Variants in ARID1A observed in about 807,000 individuals in gnomAD.
ARID1A encodes AT-rich interactive domain-containing protein 1A.
Under a neutral mutation model 212.6 loss-of-function variants are expected in ARID1A, and 20 were observed. That is an observed-to-expected ratio of 0.09 (90% CI 0.07 to 0.14). The LOEUF is 0.14. ARID1A is among the 10% of genes least tolerant of loss of function. The probability of loss-of-function intolerance (pLI) is 1.00; values close to 1 mark genes in which losing one functional copy is unlikely to be tolerated. For synonymous variants in ARID1A, 1,376 were observed against 1,222.1 expected (o/e 1.13, Z -2.63); for missense variants, 2,587 against 3,059.0 (o/e 0.85, Z 3.64).
At position 26,772,817 on chromosome 1, in the gene ARID1A, G is replaced by A. The variant is rs2124106507; in HGVS notation, c.3545G>A (p.Ser1182Asn). 1 of 1,613,728 alleles carries A rather than the reference G, an allele frequency of 6.2e-7. No homozygotes were observed. Among genetic ancestry groups the A allele is most frequent in the African/African-American group, 1.3e-5 (1 of 75,030 alleles). Residue 1182 changes from serine (S) to asparagine (N), a missense_variant, in exon 14 of 20, where the codon AGC becomes AAC. Ser to Asn is a conservative substitution (Grantham distance 46). This residue lies in a region of ARID1A where 890 missense variants were observed against 1,098.2 expected (regional missense o/e 0.81). Transcript: ENST00000324856. ...QIPPLPGMSRSNSVGIQDAFN... is the reference protein window; with the variant it reads ...QIPPLPGMSRNNSVGIQDAFN... Reference sequence around the variant, plus strand: ...TGGTTTTCCTCACTCTGGAGCAGGAGCAATTCAGTTGGGATCCAGGATGCC... The same window carrying A: ...TGGTTTTCCTCACTCTGGAGCAGGAACAATTCAGTTGGGATCCAGGATGCC...
intron 4 of ARID1A, among the ~76,000 whole-genome samples, chr1:26,750,124 C>T (rs1305041899): frequency 2.0e-5 from 3 of 152,196 alleles, no homozygotes; most frequent in African/African-American, 7.2e-5. Context: ...TCCTGTAACA[C>T]TGCTTCTAGA....
At chr1:26,760,164 A>G (rs2080977463) in intron 4 of ARID1A, among the ~76,000 whole-genome samples, 1 of 152,222 alleles carries the variant, frequency 6.6e-6, no homozygotes, top group African/African-American at 2.4e-5. Context: ...TTGCTTTCTT[A>G]TGACTGTAGA....
At chr1:26,698,459 G>A (rs1292568856) in intron 1 of ARID1A, among the ~76,000 whole-genome samples, 1 of 152,208 alleles carries the variant, frequency 6.6e-6, no homozygotes, top group Non-Finnish European at 1.5e-5. Flanking sequence ...ACCTTGAGGA[G>A]GGAGGTTTAA....
rs1219607366 is a variant in ARID1A at position 26,707,110 on chromosome 1, T to A, written c.1137+9570T>A. 3.3e-5 allele frequency among the ~76,000 whole-genome samples: 5 copies of A among 151,816 alleles called. No individual in the cohort carries two copies. The East Asian group carries it at 9.7e-4, about 29-fold the overall frequency. ...GTGCAGTGGGGCAATTTCAGCTCAC[T>A]GCAGTCTCCGCCTCCTGGGTTCAAG... On this transcript the variant is annotated intron_variant, in intron 1 of 19. Transcript: ENST00000324856.
At chr1:26,706,075 G>A (rs960793511) in intron 1 of ARID1A, among the ~76,000 whole-genome samples, 4 of 152,150 alleles carry the variant, frequency 2.6e-5, no homozygotes, top group African/African-American at 9.7e-5. Flanking sequence ...GGGGCTTTGG[G>A]TACTGAGCTA....
In ARID1A at chr1:26,772,512, C is replaced by T. The variant is rs753878674; in HGVS notation, c.3419C>T (p.Ser1140Phe). Reference protein sequence around the residue: ...IQPPSPAGSGSMQGPQTPQST... With the variant: ...IQPPSPAGSGFMQGPQTPQST... ...TCTCTGTCCACAGCGGGATCAGGAT[C>T]TATGCAGGGGCCCCAGACTCCCCAG... is the stretch of plus-strand genomic sequence containing the variant. The change falls in exon 13 of 20, where the codon TCT (serine) becomes TTT (phenylalanine). Residue 1140 changes from serine (S) to phenylalanine (F), a missense_variant. By Grantham distance (155) the Ser-to-Phe change is radical. Coordinates refer to ENST00000324856, the MANE Select transcript of ARID1A (RefSeq NM_006015.6). 1 of 1,614,252 alleles carries T rather than the reference C, an allele frequency of 6.2e-7. No individual in the cohort carries two copies. Among genetic ancestry groups the T allele is most frequent in the Non-Finnish European group, 8.5e-7 (1 of 1,180,040 alleles).
rs1349995890 is a variant in ARID1A at position 26,731,485 on chromosome 1, C to G, written c.1684C>G (p.Gln562Glu). Residue 562 changes from glutamine (Q) to glutamate (E), a missense_variant, in exon 3 of 20, where the codon CAG (glutamine) becomes GAG (glutamate). By Grantham distance (29) the Gln-to-Glu change is conservative. Transcript: ENST00000324856. ...SQPQAQSPYQQQQPQQPAPST... is the reference protein window; with the variant it reads ...SQPQAQSPYQEQQPQQPAPST... The stretch of plus-strand genomic sequence containing the variant: ...GCCACAGGCTCAGTCTCCTTACCAG[C>G]AGCAGCAACCTCAGCAGCCAGCACC... The G allele has an allele frequency of 6.2e-7, 1 of 1,613,914 alleles. No individual in the cohort carries two copies. The highest frequency in any genetic ancestry group is 1.7e-5 in the Admixed American group (1 of 59,992).
At position 26,776,565 on chromosome 1, in the gene ARID1A, G is replaced by T. The variant is rs548062455; in HGVS notation, c.5124+858G>T. Among the ~76,000 whole-genome samples, 4 of 152,258 alleles carry T rather than the reference G, an allele frequency of 2.6e-5. No individual in the cohort carries two copies. In the East Asian group the frequency reaches 5.8e-4, roughly 22 times the overall value. On this transcript the variant is annotated intron_variant, in intron 19 of 19. Transcript: ENST00000324856. ...TGGGATTACAGGCGTGAGCAACCGC[G>T]CCCGGCCCTACAATATTCTTACAAA...
At position 26,774,240 on chromosome 1, in the gene ARID1A, A is replaced by G; in HGVS notation, c.4102-89A>G. The G allele has an allele frequency of 2.7e-6, 4 of 1,498,274 alleles. No homozygotes were observed. The highest frequency in any genetic ancestry group is 1.8e-6 in the Non-Finnish European group (2 of 1,126,344). 92.8% of individuals were successfully genotyped at this position (1,498,274 alleles called of 1,614,324 possible). On this transcript the variant is annotated intron_variant, in intron 17 of 19. Transcript: ENST00000324856. This position sits in a 1 kb window ranked among gnomAD's most constrained non-coding sequence, Gnocchi z 5.6. ...GTTTTCTTGGAGTCTGTGTCCACCA[A>G]GCATCTGGTTGTAGCCATCTTGGCA...
At chr1:26,727,848 T>C (rs1393348242) in intron 1 of ARID1A, 1 of 152,166 alleles carries the variant, frequency 6.6e-6, no homozygotes, top group Non-Finnish European at 1.5e-5. Flanking sequence ...AGGACCTCAG[T>C]GTGATATGTG....
At chr1:26,741,110 T>G (rs1380486772) in intron 4 of ARID1A, among the ~76,000 whole-genome samples, 1 of 152,142 alleles carries the variant, frequency 6.6e-6, no homozygotes, top group Non-Finnish European at 1.5e-5. Flanking sequence ...AACCATAGAA[T>G]GAAACAGGCC....
At chr1:26,722,688 A>G (rs2080576831) in intron 1 of ARID1A, among the ~76,000 whole-genome samples, 1 of 152,242 alleles carries the variant, frequency 6.6e-6, no homozygotes, top group Non-Finnish European at 1.5e-5. Flanking sequence ...ACTTGAATGA[A>G]CTAGAATGAA....
rs1570615152 is a variant in ARID1A, at chr1:26,773,723, T to C, written c.4004+6T>C. The C allele has an allele frequency of 6.2e-7, 1 of 1,614,048 alleles. No homozygotes were observed. The highest frequency in any genetic ancestry group is 1.7e-5 in the Admixed American group (1 of 60,016). ...CAGCAGCAGCAGCAGCAACGGTGAG[T>C]AAAGCCTGGTCTCGGTGCTGCTATG... On this transcript the variant is annotated splice_donor_region_variant and intron_variant, in intron 16 of 19. Transcript: ENST00000324856.
chr1:26,719,035 G>A (rs2080532351), intron 1 of ARID1A, among the ~76,000 whole-genome samples: 1 of 152,114 alleles, frequency 6.6e-6, no homozygotes, highest in Non-Finnish European at 1.5e-5. Flanking sequence ...AGGATAATGG[G>A]GGGTACTCCT....
intron 4 of ARID1A, among the ~76,000 whole-genome samples, chr1:26,749,813 T>G (rs895006640): frequency 1.3e-5 from 2 of 152,230 alleles, no homozygotes; most frequent in African/African-American, 4.8e-5. Context: ...GTTGTACTTC[T>G]GAGTTTTAAA....
chr1:26,742,369 C>T (rs530926360), intron 4 of ARID1A, among the ~76,000 whole-genome samples: 1 of 152,154 alleles, frequency 6.6e-6, no homozygotes, highest in Non-Finnish European at 1.5e-5. Flanking sequence ...AAACAGTGAA[C>T]CGTTGACTAG....
At chr1:26,748,115 A>AT (rs2080854122) in intron 4 of ARID1A, among the ~76,000 whole-genome samples, 2 of 152,200 alleles carry the variant, frequency 1.3e-5, no homozygotes, top group African/African-American at 4.8e-5. Context: ...ACAAGTATAA[A>AT]TTTAAGAGTT....
chr1:26,743,250 TTC>T (rs372211517), intron 4 of ARID1A, among the ~76,000 whole-genome samples: 169 of 152,288 alleles, frequency 1.1e-3, no homozygotes, highest in African/African-American at 3.8e-3. Flanking sequence ...GTATACCTGT[TTC>T]TCTCTCTTTC....
chr1:26,753,683 C>T (rs2080904039), intron 4 of ARID1A, among the ~76,000 whole-genome samples: 1 of 152,194 alleles, frequency 6.6e-6, no homozygotes, highest in Non-Finnish European at 1.5e-5. Flanking sequence ...CAGGATTATA[C>T]TTGGAGGAGA....
Sources: allele counts gnomAD v4.1 joint callset (sites outside exome capture counted in the v4.1 genomes callset), GRCh38; gene constraint gnomAD v4.1.1; regional missense constraint gnomAD v4.1.1; non-coding constraint Gnocchi (gnomAD v3.1); transcripts MANE v1.5; gene names NCBI Gene and HGNC (gene_info 2026-07-23, HGNC 2026-07-21).